The following ACP3 variants were observed in gnomAD, a reference collection of about 807,000 sequenced individuals.
ACP3 encodes prostatic acid phosphatase.
Under a neutral mutation model 45.6 loss-of-function variants are expected in ACP3, and 38 were observed. The observed-to-expected ratio is 0.83, with a 90% CI of 0.64 to 1.09. The LOEUF is 1.09. Ranked by LOEUF, ACP3 falls within the 50% of genes least tolerant of loss-of-function variation. ACP3 has a pLI of 0.00. For missense variants in ACP3, 466 were observed against 463.2 expected (o/e 1.01, Z -0.05); for synonymous variants, 162 against 164.7 (o/e 0.98, Z 0.13).
intron 1 of ACP3, among the ~76,000 whole-genome samples, chr3:132,323,294 G>T (rs1489541170): frequency 6.6e-6 from 1 of 152,124 alleles, no homozygotes; most frequent in African/African-American, 2.4e-5. Flanking sequence ...CCCAATCCGA[G>T]ATTCACCTGT....
downstream of ACP3, chr3:132,358,896 T>C (rs750065050): frequency 1.4e-5 from 14 of 979,102 alleles, no homozygotes; most frequent in Non-Finnish European, 1.6e-5. Flanking sequence ...AAAATATTAA[T>C]ATAAAGTAAA....
chr3:132,363,523 C>T (rs979792749), downstream of ACP3, among the ~76,000 whole-genome samples: 4 of 152,170 alleles, frequency 2.6e-5, no homozygotes, highest in African/African-American at 9.7e-5. Context: ...CTCTTCGTTC[C>T]CAGGGCCACA....
chr3:132,344,277 CAAAAA>C (rs56793876), intron 6 of ACP3, among the ~76,000 whole-genome samples: 2 of 99,362 alleles, frequency 2.0e-5, no homozygotes, highest in African/African-American at 8.5e-5. Context: ...GATTCTGTCT[CAAAAA>C]AAAAAAAAAA....
intron 2 of ACP3, among the ~76,000 whole-genome samples, chr3:132,330,745 C>G (rs1446644359): frequency 6.6e-6 from 1 of 152,212 alleles, no homozygotes; most frequent in African/African-American, 2.4e-5. Flanking sequence ...AACCTCCTCT[C>G]TGGCTCCCAA....
At chr3:132,343,180 T>G (rs1937570877) in intron 6 of ACP3, among the ~76,000 whole-genome samples, 1 of 152,188 alleles carries the variant, frequency 6.6e-6, no homozygotes, top group Admixed American at 6.5e-5. Context: ...ACATGGTGTT[T>G]CTCACTCACC....
intron 7 of ACP3, among the ~76,000 whole-genome samples, chr3:132,346,780 G>T (rs1213435922): frequency 6.6e-6 from 1 of 152,126 alleles, no homozygotes; most frequent in Non-Finnish European, 1.5e-5. Flanking sequence ...ACCTAGTTAT[G>T]GTGGATTCAG....
chr3:132,321,734 G>T (rs1173964348), intron 1 of ACP3, among the ~76,000 whole-genome samples: 1 of 152,132 alleles, frequency 6.6e-6, no homozygotes, highest in Admixed American at 6.5e-5. Context: ...GAGATGATTA[G>T]AAATTAACAG....
In ACP3 at chr3:132,324,688, G is replaced by A. The variant is rs187072681; in HGVS notation, c.121-3579G>A. ...AGACGGAGTCTCACTCTGTCACCAG[G>A]CTGAAGTGCAGTGGCACGATCTCGG... On this transcript the variant is annotated intron_variant, in intron 1 of 9. Coordinates refer to ENST00000336375, the MANE Select transcript of ACP3 (RefSeq NM_001099.5). Among the ~76,000 whole-genome samples the A allele has an allele frequency of 1.1e-4, 17 of 152,226 alleles. No homozygotes were observed. The East Asian group carries it at 2.7e-3, about 24-fold the overall frequency.
In ACP3 at chr3:132,327,515, A is replaced by G. The variant is rs547972217; in HGVS notation, c.121-752A>G. Reference sequence around the variant, plus strand: ...GATGACAGAGCAAGACTCAGTCTCGAAAAAAAAAAAAAAGTTATACTAGTT... The same window carrying G: ...GATGACAGAGCAAGACTCAGTCTCGGAAAAAAAAAAAAAGTTATACTAGTT... On this transcript the variant is annotated intron_variant, in intron 1 of 9. Coordinates refer to ENST00000336375, the MANE Select transcript of ACP3 (RefSeq NM_001099.5). Among the ~76,000 whole-genome samples the G allele has an allele frequency of 4.2e-3, 439 of 105,032 alleles. 1 individual carries two copies. The highest frequency in any genetic ancestry group is 0.017 in the African/African-American group (422 of 24,604). 68.9% of individuals were successfully genotyped at this position (105,032 alleles called of 152,430 possible). A position where few individuals can be genotyped will look rare whatever the true frequency, so the allele number is the denominator to read the frequency against.
In ACP3 at chr3:132,331,706, C is replaced by A. The variant is rs375545614; in HGVS notation, c.276C>A (p.Phe92Leu). 306 of 1,608,364 alleles carry A rather than the reference C, an allele frequency of 1.9e-4. No homozygotes were observed. Among genetic ancestry groups the A allele is most frequent in the Non-Finnish European group, 2.4e-4 (279 of 1,178,636 alleles). ...GEYIRKRYRK[F>L]LNESYKHEQV... is the part of the protein sequence containing the mutation. Reference sequence around the variant, plus strand: ...ATATAAGAAAGAGATATAGAAAATTCTTGAATGAGTCCTATAAACATGAAC... The same window carrying A: ...ATATAAGAAAGAGATATAGAAAATTATTGAATGAGTCCTATAAACATGAAC... Residue 92 changes from phenylalanine (F) to leucine (L), a missense_variant, in exon 3 of 10, where the codon TTC becomes TTA. Phe to Leu is a conservative substitution (Grantham distance 22). Transcript: ENST00000336375.
chr3:132,347,714 G>A (rs1937628145), intron 7 of ACP3, among the ~76,000 whole-genome samples: 1 of 151,898 alleles, frequency 6.6e-6, no homozygotes, highest in South Asian at 2.1e-4. Flanking sequence ...GAACTCCTGG[G>A]CTCAAGCGAT....
rs991517637 is a variant in ACP3, at chr3:132,358,734, A to C, written c.*1856A>C. On this transcript the variant is annotated 3_prime_UTR_variant, in exon 10 of 10. Coordinates refer to ENST00000336375, the MANE Select transcript of ACP3 (RefSeq NM_001099.5). ...CAGTGAGCCAAATGTAAAATAGTGA[A>C]TAAAGTCATTATTAGGAAGTTCAAA... The C allele has an allele frequency of 2.0e-6, 2 of 992,014 alleles. No individual in the cohort carries two copies. Among genetic ancestry groups the C allele is most frequent in the Non-Finnish European group, 2.4e-6 (2 of 833,630 alleles). The allele number at this position is 992,014 out of a possible 1,614,324, so 61.5% of individuals were successfully genotyped here. A position where few individuals can be genotyped will look rare whatever the true frequency, so the allele number is the denominator to read the frequency against.
chr3:132,337,762 A>G lies in ACP3; in HGVS notation c.555+208A>G, dbSNP rs573295611. Among the ~76,000 whole-genome samples, 20 of 152,366 alleles carry G rather than the reference A, an allele frequency of 1.3e-4. 1 individual carries two copies. Among genetic ancestry groups the G allele is most frequent in the African/African-American group, 4.6e-4 (19 of 41,588 alleles). On this transcript the variant is annotated intron_variant, in intron 5 of 9. Coordinates refer to ENST00000336375, the MANE Select transcript of ACP3 (RefSeq NM_001099.5). ...CCCCATACAGGGGTCACAAGCCAAT[A>G]GACAAGCCAGTCCTTTTGAATCCTT...
intron 10 of ACP3, chr3:132,367,671 T>C: frequency 6.6e-7 from 1 of 1,506,924 alleles, no homozygotes; most frequent in Non-Finnish European, 9.2e-7. Flanking sequence ...AATGCATTAA[T>C]TTTACATTAA....
intron 1 of ACP3, among the ~76,000 whole-genome samples, chr3:132,324,833 G>T (rs1362756775): frequency 2.0e-5 from 3 of 151,998 alleles, no homozygotes. Flanking sequence ...AGTAGAGATG[G>T]GGTTTCACCA....
intron 4 of ACP3, chr3:132,332,716 A>G (rs1205388146): frequency 5.3e-6 from 1 of 187,760 alleles, no homozygotes; most frequent in African/African-American, 2.3e-5. Flanking sequence ...TCTCCAGATT[A>G]TCCAAAGATA....
At chr3:132,346,898 C>G (rs1937616227) in intron 7 of ACP3, among the ~76,000 whole-genome samples, 1 of 152,226 alleles carries the variant, frequency 6.6e-6, no homozygotes, top group Non-Finnish European at 1.5e-5. Flanking sequence ...GAATCAGGAT[C>G]TGCATTTGAA....
exon 11 of ACP3, chr3:132,368,126 A>AGG: frequency 4.5e-6 from 1 of 221,086 alleles, no homozygotes. Flanking sequence ...TAAGAAGCCA[A>AGG]ACTCCAATCA....
intron 1 of ACP3, among the ~76,000 whole-genome samples, chr3:132,318,005 T>C (rs1413052137): frequency 2.6e-5 from 4 of 152,218 alleles, no homozygotes; most frequent in African/African-American, 9.6e-5. Context: ...CACCTTTGTT[T>C]ATCAGGAAAT....
Sources: gnomAD v4.1 joint callset for allele counts (sites outside exome capture counted in the v4.1 genomes callset) on GRCh38, gnomAD v4.1.1 for gene constraint, MANE v1.5 for transcripts, NCBI Gene and HGNC (gene_info 2026-07-23, HGNC 2026-07-21) for gene names.